The following ARHGEF4 variants were observed in gnomAD, a reference collection of about 807,000 sequenced individuals.
The protein encoded by ARHGEF4 is Rho guanine nucleotide exchange factor 4, also known as APC-stimulated guanine nucleotide exchange factor 1.
In ARHGEF4, 119 loss-of-function variants were observed where a neutral mutation model predicts 162.0. That is an observed-to-expected ratio of 0.73 (90% confidence interval 0.63 to 0.86). The LOEUF (loss-of-function observed/expected upper bound fraction) is 0.86. ARHGEF4 is among the 40% of genes least tolerant of loss of function. The pLI, the probability that ARHGEF4 is intolerant of heterozygous loss-of-function variation, is 0.00. For synonymous variants in ARHGEF4, 1,014 were observed against 979.9 expected, an observed-to-expected ratio of 1.03 and a Z score of -0.65; for missense variants, 2,488 against 2,456.0, an observed-to-expected ratio of 1.01 and a Z score of -0.28.
At chr2:130,972,577 C>G (rs1319547357) in intron 4 of ARHGEF4, among the ~76,000 whole-genome samples, 1 of 152,308 alleles carries the variant, frequency 6.6e-6, no homozygotes, top group Admixed American at 6.5e-5. Flanking sequence ...TCATCAGAAG[C>G]CTGCACCCAA....
chr2:130,867,586 G>A (rs956631819), intron 1 of ARHGEF4, among the ~76,000 whole-genome samples: 9 of 152,056 alleles, frequency 5.9e-5, no homozygotes, highest in Non-Finnish European at 1.3e-4. Context: ...TCTAATTTCA[G>A]TTGTGGCTTT....
chr2:131,028,865 A>C (rs1689650143), intron 5 of ARHGEF4, among the ~76,000 whole-genome samples: 1 of 152,226 alleles, frequency 6.6e-6, no homozygotes, highest in Non-Finnish European at 1.5e-5. Context: ...GGACTCTGAC[A>C]ACCCAGGATC....
chr2:130,964,050 G>A (rs1684821427), intron 4 of ARHGEF4: 2 of 536,758 alleles, frequency 3.7e-6, no homozygotes, highest in Middle Eastern at 1.8e-3. Context: ...CCTGCGTGCG[G>A]GCGCAGCAAT....
chr2:130,957,502 T>G (rs1254120903), intron 4 of ARHGEF4, among the ~76,000 whole-genome samples: 2 of 152,096 alleles, frequency 1.3e-5, no homozygotes, highest in African/African-American at 4.8e-5. Context: ...GAAGGAACAT[T>G]TTGGGTGGGG....
intron 4 of ARHGEF4, among the ~76,000 whole-genome samples, chr2:130,970,125 G>A (rs557181489): frequency 9.2e-5 from 14 of 152,266 alleles, no homozygotes; most frequent in African/African-American, 2.4e-4. Flanking sequence ...TTGTATGTAC[G>A]TAAGTTTTCA....
chr2:130,953,214 G>A (rs910597814), intron 4 of ARHGEF4, among the ~76,000 whole-genome samples: 2 of 152,090 alleles, frequency 1.3e-5, no homozygotes, highest in Non-Finnish European at 2.9e-5. Context: ...CAGAGATATA[G>A]ACCAATGGAA....
chr2:130,994,142 T>TTAAA (rs751262410), intron 4 of ARHGEF4, among the ~76,000 whole-genome samples: 30 of 152,340 alleles, frequency 2.0e-4, no homozygotes, highest in Non-Finnish European at 3.8e-4. Context: ...AGTGAGTGAA[T>TTAAA]TTTTTAATCC....
At position 130,986,892 on chromosome 2, in the gene ARHGEF4, T is replaced by C. The variant is rs1044747595; in HGVS notation, c.3985+40257T>C. Among the ~76,000 whole-genome samples the C allele has an allele frequency of 2.0e-5, 3 of 152,306 alleles. No individual in the cohort carries two copies. In the East Asian group the frequency reaches 5.8e-4, roughly 29 times the overall value. On this transcript the variant is annotated intron_variant, in intron 4 of 13. Transcript: ENST00000409359. ...GCTGCCTAGGCCCGCAGGAGAGCCT[T>C]GGGTCACACAATCCTAGGTGGTTTG...
chr2:130,995,732 G>C (rs1019898574), intron 4 of ARHGEF4, among the ~76,000 whole-genome samples: 1 of 152,126 alleles, frequency 6.6e-6, no homozygotes, highest in African/African-American at 2.4e-5. Context: ...GCCACGTCCT[G>C]CAGGGGCCTC....
chr2:130,931,291 G>T (rs755789541), intron 3 of ARHGEF4, 34 bp downstream of exon 3: 3 of 1,552,070 alleles, frequency 1.9e-6, no homozygotes, highest in East Asian at 2.3e-5. Flanking sequence ...CCTCAGACTT[G>T]GTCTGGTATC....
At chr2:130,842,952 G>C (rs935970826) in intron 1 of ARHGEF4, among the ~76,000 whole-genome samples, 1 of 152,254 alleles carries the variant, frequency 6.6e-6, no homozygotes, top group African/African-American at 2.4e-5. Context: ...GGGCTGCCCC[G>C]GGTGTGGGCT....
chr2:130,923,891 T>TTC (rs1331997069), intron 2 of ARHGEF4, among the ~76,000 whole-genome samples: 3 of 151,072 alleles, frequency 2.0e-5, no homozygotes, highest in Admixed American at 6.6e-5. Context: ...TTTTCTTTTT[T>TTC]TTTTTTTGAG....
At chr2:131,045,834 G>GGAGGC in intron 13 of ARHGEF4, 4 of 1,445,528 alleles carry the variant, frequency 2.8e-6, no homozygotes, top group Non-Finnish European at 3.6e-6. Flanking sequence ...GGCTGCTGCA[G>GGAGGC]GAGGCCAGGC....
At chr2:130,964,656 C>T (rs1684885372) in intron 4 of ARHGEF4, among the ~76,000 whole-genome samples, 1 of 152,238 alleles carries the variant, frequency 6.6e-6, no homozygotes, top group South Asian at 2.1e-4. Context: ...CTCTGTAAAG[C>T]CAGGAGGATG....
chr2:131,044,215 A>G (rs937383207), intron 11 of ARHGEF4, 84 bp from the exon 12 acceptor site: 2 of 1,551,228 alleles, frequency 1.3e-6, no homozygotes, highest in African/African-American at 2.7e-5. Flanking sequence ...AGCCCCTCCT[A>G]TGGCTGGGGA....
At chr2:130,853,516 T>C (rs1681557588) in intron 1 of ARHGEF4, among the ~76,000 whole-genome samples, 1 of 151,994 alleles carries the variant, frequency 6.6e-6, no homozygotes, top group Admixed American at 6.5e-5. Flanking sequence ...GTTTCACAGG[T>C]GTTGTGAGGG....
chr2:130,934,840 G>A (rs1247620242), intron 3 of ARHGEF4, among the ~76,000 whole-genome samples: 4 of 152,196 alleles, frequency 2.6e-5, no homozygotes, highest in East Asian at 1.9e-4. Context: ...CACTGTACCC[G>A]GCCAAAGTTT....
chr2:130,927,333 C>T (rs954637326), intron 2 of ARHGEF4, among the ~76,000 whole-genome samples: 2 of 152,270 alleles, frequency 1.3e-5, no homozygotes, highest in African/African-American at 4.8e-5. Context: ...AGACTGGCCT[C>T]ACACATTGTC....
chr2:131,043,421 A>G, intron 10 of ARHGEF4, 31 bp from the exon 11 acceptor site: 1 of 1,612,910 alleles, frequency 6.2e-7, no homozygotes, highest in Non-Finnish European at 8.5e-7. Context: ...TGGGTATGCG[A>G]GGCTCATGGT....
Sources: allele counts gnomAD v4.1 joint callset (sites outside exome capture counted in the v4.1 genomes callset), GRCh38; gene constraint gnomAD v4.1.1; transcripts MANE v1.5; gene names NCBI Gene and HGNC (gene_info 2026-07-23, HGNC 2026-07-21).